Variants in RALGAPA1 observed in about 807,000 individuals in gnomAD.
RALGAPA1 encodes ral GTPase-activating protein subunit alpha-1.
A neutral mutation model predicts 269.6 loss-of-function variants in RALGAPA1; 52 were observed. The ratio of observed to expected loss-of-function variants is 0.19; its 90% CI spans 0.15 to 0.24. RALGAPA1 has a LOEUF of 0.24. RALGAPA1 is among the 10% of genes least tolerant of loss of function. The pLI is 1.00. For synonymous variants in RALGAPA1, 817 were observed against 1,008.3 expected (o/e 0.81, Z 3.60); for missense variants, 1,917 against 3,013.9 (o/e 0.64, Z 8.52).
intron 37 of RALGAPA1, among the ~76,000 whole-genome samples, chr14:35,581,766 C>T (rs189989750): frequency 6.6e-6 from 1 of 152,090 alleles, no homozygotes; most frequent in East Asian, 1.9e-4. Context: ...AAATTGCAAC[C>T]CTTAAGCATT....
intron 14 of RALGAPA1, 40 bp from the exon 15 acceptor site, chr14:35,723,304 T>C: frequency 8.4e-7 from 1 of 1,186,074 alleles, no homozygotes; most frequent in Non-Finnish European, 1.2e-6. Flanking sequence ...AAAATGTGTT[T>C]AGTGTGTGAC....
intron 31 of RALGAPA1, among the ~76,000 whole-genome samples, chr14:35,645,216 G>A (rs113807347): frequency 2.6e-4 from 39 of 152,096 alleles, no homozygotes; most frequent in African/African-American, 8.9e-4. Context: ...ATTGATGAGG[G>A]CTTCATCCTC....
At chr14:35,702,339 C>T (rs1307302982) in intron 16 of RALGAPA1, among the ~76,000 whole-genome samples, 1 of 151,936 alleles carries the variant, frequency 6.6e-6, no homozygotes, top group Non-Finnish European at 1.5e-5. Context: ...TGTATGAATG[C>T]CAGCAAAATT....
chr14:35,700,689 G>T (rs1204928711), intron 16 of RALGAPA1, among the ~76,000 whole-genome samples: 4 of 152,086 alleles, frequency 2.6e-5, no homozygotes, highest in Non-Finnish European at 5.9e-5. Context: ...AACAATATTT[G>T]GGCATTTCTC....
At chr14:35,571,767 CA>C (rs2057221942) in intron 38 of RALGAPA1, among the ~76,000 whole-genome samples, 1 of 152,086 alleles carries the variant, frequency 6.6e-6, no homozygotes, top group African/African-American at 2.4e-5. Flanking sequence ...AACCCAAAAC[CA>C]AAACCGAAAT....
intron 27 of RALGAPA1, among the ~76,000 whole-genome samples, chr14:35,659,557 A>C (rs1411277559): frequency 1.3e-5 from 2 of 152,070 alleles, no homozygotes; most frequent in Non-Finnish European, 2.9e-5. Context: ...AAAGAATTTA[A>C]GAAGAATCTT....
intron 16 of RALGAPA1, chr14:35,715,971 T>C (rs932428042): frequency 7.1e-6 from 7 of 985,262 alleles, no homozygotes; most frequent in Admixed American, 6.1e-5. Context: ...GACGAAATGC[T>C]AGCAAGAATA....
chr14:35,632,321 A>G (rs898832548), intron 33 of RALGAPA1, among the ~76,000 whole-genome samples: 3 of 152,182 alleles, frequency 2.0e-5, no homozygotes, highest in Non-Finnish European at 4.4e-5. Flanking sequence ...TAAAATGGAG[A>G]TATCGATGCT....
At chr14:35,799,572 AAAAAG>A (rs1198667495) in intron 1 of RALGAPA1, among the ~76,000 whole-genome samples, 2 of 152,066 alleles carry the variant, frequency 1.3e-5, no homozygotes, top group Non-Finnish European at 2.9e-5. Flanking sequence ...AGAAAAAAAA[AAAAAG>A]AAAAAAGGTA....
At chr14:35,771,119 C>T in intron 3 of RALGAPA1, 120 bp from the exon 4 acceptor site, 1 of 401,780 alleles carries the variant, frequency 2.5e-6, no homozygotes, top group Non-Finnish European at 4.6e-6. Context: ...ATAGGCCGGG[C>T]ACGGTGGCTC....
chr14:35,779,991 C>A (rs2075323022), intron 1 of RALGAPA1, among the ~76,000 whole-genome samples: 1 of 151,920 alleles, frequency 6.6e-6, no homozygotes, highest in Admixed American at 6.6e-5. Flanking sequence ...CCTGTAGTCC[C>A]AGCTACCAGG....
intron 37 of RALGAPA1, among the ~76,000 whole-genome samples, chr14:35,575,162 G>A (rs1007127352): frequency 4.0e-5 from 6 of 151,894 alleles, no homozygotes; most frequent in African/African-American, 1.5e-4. Context: ...TAACCAGTAG[G>A]TTTTGCTATA....
chr14:35,548,958 A>T, intron 40 of RALGAPA1, 152 bp downstream of exon 40: 1 of 914,058 alleles, frequency 1.1e-6, no homozygotes, highest in South Asian at 1.9e-5. Context: ...AGAAACCATA[A>T]ATCAAATTTA....
chr14:35,633,635 A>G (rs1427320088), intron 33 of RALGAPA1, among the ~76,000 whole-genome samples: 1 of 152,182 alleles, frequency 6.6e-6, no homozygotes, highest in African/African-American at 2.4e-5. Flanking sequence ...GTATCACAAT[A>G]AAATTATAAA....
chr14:35,740,531 G>T (rs1407163034), intron 11 of RALGAPA1, among the ~76,000 whole-genome samples: 1 of 152,170 alleles, frequency 6.6e-6, no homozygotes, highest in Non-Finnish European at 1.5e-5. Flanking sequence ...TTAGGTCAGG[G>T]GCTGTGGCTC....
At chr14:35,681,961 T>C (rs1282828472) in intron 21 of RALGAPA1, among the ~76,000 whole-genome samples, 1 of 152,198 alleles carries the variant, frequency 6.6e-6, no homozygotes, top group East Asian at 1.9e-4. Context: ...TCACTTATGT[T>C]TTTGCATATA....
At chr14:35,628,252 C>T (rs1300631600) in intron 33 of RALGAPA1, among the ~76,000 whole-genome samples, 1 of 152,058 alleles carries the variant, frequency 6.6e-6, no homozygotes, top group Admixed American at 6.6e-5. Flanking sequence ...CACTAATGCA[C>T]ATTAAAAAGC....
At chr14:35,711,488 C>T (rs2068333396) in intron 16 of RALGAPA1, among the ~76,000 whole-genome samples, 1 of 152,208 alleles carries the variant, frequency 6.6e-6, no homozygotes. Context: ...CATTCTGTCA[C>T]CCAAGTGGGA....
chr14:35,720,329 T>C (rs1295188814), intron 16 of RALGAPA1, among the ~76,000 whole-genome samples: 1 of 152,236 alleles, frequency 6.6e-6, no homozygotes, highest in Non-Finnish European at 1.5e-5. Context: ...ATTAACCATG[T>C]ATTTTAATTC....
Sources: allele counts gnomAD v4.1 joint callset (sites outside exome capture counted in the v4.1 genomes callset), GRCh38; gene constraint gnomAD v4.1.1; transcripts MANE v1.5; gene names NCBI Gene and HGNC (gene_info 2026-07-23, HGNC 2026-07-21).